Variants in FAM193A observed in about 807,000 individuals in gnomAD.
FAM193A encodes protein FAM193A.
FAM193A carries 22 observed loss-of-function variants against 126.5 expected under a neutral mutation model. The observed-to-expected ratio is 0.17, with a 90% CI of 0.12 to 0.25. The LOEUF (loss-of-function observed/expected upper bound fraction) is 0.25. Ranked by LOEUF, FAM193A falls within the 10% of genes least tolerant of loss-of-function variation. The pLI, the probability that FAM193A is intolerant of heterozygous loss-of-function variation, is 1.00. For synonymous variants in FAM193A, 761 were observed against 646.8 expected, an observed-to-expected ratio of 1.18 and a Z score of -2.68; for missense variants, 1,675 against 1,672.8, an observed-to-expected ratio of 1.00 and a Z score of -0.02.
chr4:2,567,105 CA>C lies in FAM193A; in HGVS notation c.256-28978del, dbSNP rs1338919889. On this transcript the variant is annotated intron_variant, in intron 1 of 20. Transcript: ENST00000637812. ...CAGGCGCCCGCCACCATGCCCGGCT[CA>C]TTTTTTTTTTTTTTTGTATTTTTAG... 1.5e-3 allele frequency among the ~76,000 whole-genome samples: 223 copies of C among 146,726 alleles called. 2 individuals are homozygous for C. The highest frequency in any genetic ancestry group is 2.8e-3 in the South Asian group (13 of 4,644).
chr4:2,559,848 G>T (rs529949006), intron 1 of FAM193A, among the ~76,000 whole-genome samples: 1 of 152,342 alleles, frequency 6.6e-6, no homozygotes, highest in Admixed American at 6.5e-5. Flanking sequence ...TGCGGTGCCT[G>T]TTGGGTGCTG....
Position 2,617,700 on chromosome 4 carries a change from A to G in FAM193A, c.502-7562A>G, listed in dbSNP as rs950421214. Among the ~76,000 whole-genome samples, 3 of 152,132 alleles carry G rather than the reference A, an allele frequency of 2.0e-5. No individual in the cohort carries two copies. The East Asian group carries it at 5.8e-4, about 29-fold the overall frequency. On this transcript the variant is annotated intron_variant, in intron 2 of 20. Coordinates refer to ENST00000637812, the MANE Select transcript of FAM193A (RefSeq NM_001366318.2). ...CTCAAAGAATAGTATACCACTTCAC[A>G]TGTAGTGTAAGTACCTTACAGTAGT...
At chr4:2,714,978 G>A (rs912683524) in intron 19 of FAM193A, among the ~76,000 whole-genome samples, 15 of 151,598 alleles carry the variant, frequency 9.9e-5, no homozygotes, top group South Asian at 2.1e-4. Context: ...ATAAGCCTCC[G>A]GGAATGTATT....
At chr4:2,691,372 C>G (rs371745400) in intron 15 of FAM193A, among the ~76,000 whole-genome samples, 6 of 152,214 alleles carry the variant, frequency 3.9e-5, no homozygotes, top group African/African-American at 1.4e-4. Flanking sequence ...CCCACCACCA[C>G]GCACGGCTAA....
intron 3 of FAM193A, among the ~76,000 whole-genome samples, chr4:2,626,199 A>G (rs1350781314): frequency 6.6e-6 from 1 of 152,162 alleles, no homozygotes; most frequent in African/African-American, 2.4e-5. Context: ...TGCTCCTGTC[A>G]TCTGTGCAGT....
At chr4:2,710,744 A>G (rs940624042) in intron 19 of FAM193A, among the ~76,000 whole-genome samples, 2 of 151,968 alleles carry the variant, frequency 1.3e-5, no homozygotes, top group African/African-American at 4.8e-5. Context: ...GTCTCAAGCC[A>G]TCTGCCCACC....
Position 2,614,202 on chromosome 4 carries a change from G to A in FAM193A, c.502-11060G>A, listed in dbSNP as rs1301152271. Among the ~76,000 whole-genome samples, 7 of 152,308 alleles carry A rather than the reference G, an allele frequency of 4.6e-5. No individual in the cohort carries two copies. The East Asian group carries it at 7.7e-4, about 17-fold the overall frequency. On this transcript the variant is annotated intron_variant, in intron 2 of 20. Transcript: ENST00000637812. ...AGTTTTTCCAATGTGAGATTGAATA[G>A]GAGTGGTGTGAGTAAGCATCCTCTT... is the stretch of plus-strand genomic sequence containing the variant.
intron 1 of FAM193A, among the ~76,000 whole-genome samples, chr4:2,540,642 C>T (rs187845419): frequency 2.6e-5 from 4 of 151,708 alleles, no homozygotes; most frequent in Admixed American, 6.6e-5. Flanking sequence ...AGTGAGACTC[C>T]GTCTCAAAAA....
At chr4:2,728,238 A>ATTTTTTTT (rs58609064) in intron 20 of FAM193A, among the ~76,000 whole-genome samples, 2 of 82,056 alleles carry the variant, frequency 2.4e-5, no homozygotes, top group African/African-American at 4.9e-5. Context: ...ACCCGGCCCA[A>ATTTTTTTT]TTTTTTTTTT....
intron 1 of FAM193A, among the ~76,000 whole-genome samples, chr4:2,581,516 A>C (rs1739939932): frequency 6.6e-6 from 1 of 152,154 alleles, no homozygotes; most frequent in South Asian, 2.1e-4. Context: ...GGCCTCCCAA[A>C]GTGCTGAGAT....
intron 18 of FAM193A, 36 bp from the exon 19 acceptor site, chr4:2,699,644 C>G (rs765719681): frequency 5.8e-6 from 9 of 1,561,594 alleles, no homozygotes; most frequent in Non-Finnish European, 7.8e-6. Context: ...TTAGCACTCA[C>G]TGTAGTCTTA....
Position 2,596,272 on chromosome 4 carries a change from G to A in FAM193A, c.444G>A (p.Pro148=), listed in dbSNP as rs149805957. The A allele has an allele frequency of 6.4e-5, 45 of 703,074 alleles. 1 individual carries two copies. Among genetic ancestry groups the A allele is most frequent in the Middle Eastern group, 2.3e-4 (1 of 4,354 alleles). The allele number at this position is 703,074 out of a possible 1,614,324, so 43.6% of individuals were successfully genotyped here. A position where few individuals can be genotyped will look rare whatever the true frequency, so the allele number is the denominator to read the frequency against. The change falls in exon 2 of 21, where the codon CCG becomes CCA. Residue 148 remains proline, a synonymous_variant. Coordinates refer to ENST00000637812, the MANE Select transcript of FAM193A (RefSeq NM_001366318.2). ...SVLHLPLWVC[P]DCRRTVEKEE... Reference sequence around the variant, plus strand: ...TGCACCTGCCACTGTGGGTGTGCCCGGACTGCCGCAGGACCGTGGAGAAGG... The same window carrying A: ...TGCACCTGCCACTGTGGGTGTGCCCAGACTGCCGCAGGACCGTGGAGAAGG...
intron 19 of FAM193A, among the ~76,000 whole-genome samples, chr4:2,711,103 T>G (rs1010835982): frequency 6.6e-6 from 1 of 151,384 alleles, no homozygotes; most frequent in Non-Finnish European, 1.5e-5. Flanking sequence ...CCACCCACCT[T>G]GGCCTCCCAA....
At chr4:2,662,351 T>G (rs376093275) in intron 10 of FAM193A, among the ~76,000 whole-genome samples, 2 of 152,214 alleles carry the variant, frequency 1.3e-5, no homozygotes, top group South Asian at 2.1e-4. Flanking sequence ...CTTTAAAGTT[T>G]TGTTCAACTG....
intron 6 of FAM193A, among the ~76,000 whole-genome samples, chr4:2,644,283 A>G (rs1447033280): frequency 6.6e-6 from 1 of 152,140 alleles, no homozygotes. Flanking sequence ...TGGAAGAGAT[A>G]AATTCTTACT....
At chr4:2,568,223 T>A (rs993817426) in intron 1 of FAM193A, among the ~76,000 whole-genome samples, 3 of 151,906 alleles carry the variant, frequency 2.0e-5, no homozygotes, top group Non-Finnish European at 4.4e-5. Context: ...GCTTGTAAAA[T>A]TTTTTTTCAA....
chr4:2,610,241 C>G (rs1741783423), intron 2 of FAM193A, among the ~76,000 whole-genome samples: 1 of 151,812 alleles, frequency 6.6e-6, no homozygotes, highest in African/African-American at 2.4e-5. Flanking sequence ...AAAAACAAAA[C>G]AAAACAAAAA....
Position 2,692,431 on chromosome 4 carries a change from C to T in FAM193A, c.2804-1155C>T, listed in dbSNP as rs1267690724. On this transcript the variant is annotated intron_variant, in intron 15 of 20. Transcript: ENST00000637812. ...AGATGAGATTTGTGTGGGGACACAA[C>T]CAAACCCTATCACTGGGTACCGACA... Among the ~76,000 whole-genome samples, 9 of 152,140 alleles carry T rather than the reference C, an allele frequency of 5.9e-5. No individual in the cohort carries two copies. In the South Asian group the frequency reaches 6.2e-4, roughly 11 times the overall value.
At chr4:2,722,484 G>C (rs1448911522) in intron 20 of FAM193A, among the ~76,000 whole-genome samples, 3 of 152,212 alleles carry the variant, frequency 2.0e-5, no homozygotes, top group African/African-American at 7.2e-5. Flanking sequence ...GCTGTGTCCA[G>C]AAGGGGCTGG....
Sources: allele counts gnomAD v4.1 joint callset (sites outside exome capture counted in the v4.1 genomes callset), GRCh38; gene constraint gnomAD v4.1.1; transcripts MANE v1.5; gene names NCBI Gene and HGNC (gene_info 2026-07-23, HGNC 2026-07-21).